ABCC4: variants seen among roughly 807,000 people sequenced by gnomAD.
ABCC4 encodes ATP-binding cassette sub-family C member 4.
Under a neutral mutation model 168.5 loss-of-function variants are expected in ABCC4, and 102 were observed. The ratio of observed to expected loss-of-function variants is 0.61; its 90% confidence interval spans 0.52 to 0.71. The LOEUF (loss-of-function observed/expected upper bound fraction) is 0.71. Among genes scored for constraint, ABCC4 ranks in the 30% least tolerant of loss-of-function variants. The pLI is 0.00. For missense variants in ABCC4, 1,402 were observed against 1,605.8 expected (o/e 0.87, Z 2.17); for synonymous variants, 617 against 590.7 (o/e 1.04, Z -0.65).
chr13:95,059,299 A>G (rs2033196509), intron 26 of ABCC4, among the ~76,000 whole-genome samples: 1 of 152,254 alleles, frequency 6.6e-6, no homozygotes, highest in East Asian at 1.9e-4. Flanking sequence ...AGGATGACAC[A>G]GAATTGCTGT....
At chr13:95,097,599 T>C (rs1360856499) in intron 20 of ABCC4, among the ~76,000 whole-genome samples, 2 of 118,332 alleles carry the variant, frequency 1.7e-5, no homozygotes, top group East Asian at 2.0e-4. Flanking sequence ...ATTCTTTTTT[T>C]TTTTTTTTTT....
At chr13:95,157,088 C>CCCCACACACA in intron 19 of ABCC4, among the ~76,000 whole-genome samples, 2 of 134,708 alleles carry the variant, frequency 1.5e-5, no homozygotes, top group South Asian at 4.9e-4. Context: ...TGAGACTCTA[C>CCCCACACACA]CACACACACA....
At chr13:95,152,398 C>G (rs2036716889) in intron 19 of ABCC4, among the ~76,000 whole-genome samples, 1 of 152,086 alleles carries the variant, frequency 6.6e-6, no homozygotes. Context: ...TTGTTCTGTC[C>G]AGCCAACAAA....
chr13:95,113,676 A>G (rs1403978300), intron 20 of ABCC4, among the ~76,000 whole-genome samples: 1 of 152,056 alleles, frequency 6.6e-6, no homozygotes, highest in Non-Finnish European at 1.5e-5. Flanking sequence ...TCACTTCCTA[A>G]TATAGCAACA....
At chr13:95,195,085 C>T in intron 8 of ABCC4, 148 bp from the exon 9 acceptor site, 1 of 620,148 alleles carries the variant, frequency 1.6e-6, no homozygotes, top group South Asian at 2.0e-5. Flanking sequence ...CGGTTCACAT[C>T]AGCATATGAT....
chr13:95,111,864 G>A (rs1207215292), intron 20 of ABCC4, among the ~76,000 whole-genome samples: 3 of 152,094 alleles, frequency 2.0e-5, no homozygotes, highest in Non-Finnish European at 4.4e-5. Context: ...CTTCTACAGA[G>A]CCTACATTCT....
At position 95,299,654 on chromosome 13, in the gene ABCC4, G is replaced by A. The variant is rs181226173; in HGVS notation, c.74+1587C>T. ...TATGGCCCAAGACAATTCTTCCAGT[G>A]TGGCCCAGGGAACCCAAAAAATTGG... On this transcript the variant is annotated intron_variant, in intron 1 of 30. Transcript: ENST00000645237. 3.9e-3 allele frequency among the ~76,000 whole-genome samples: 592 copies of A among 152,126 alleles called. 1 individual carries two copies. Among genetic ancestry groups the A allele is most frequent in the African/African-American group, 0.014 (573 of 41,492 alleles).
intron 23 of ABCC4, among the ~76,000 whole-genome samples, chr13:95,073,850 C>T (rs2033811416): frequency 6.6e-6 from 1 of 152,260 alleles, no homozygotes; most frequent in Non-Finnish European, 1.5e-5. Context: ...CAACCTCATG[C>T]ACCAGGCAAC....
chr13:95,210,612 AGC>A, intron 5 of ABCC4, 78 bp downstream of exon 5: 1 of 1,198,072 alleles, frequency 8.3e-7, no homozygotes, highest in Admixed American at 1.9e-5. Flanking sequence ...GAACAGAGTG[AGC>A]CCCTGCCTCC....
At chr13:95,258,491 C>G (rs189292790) in intron 1 of ABCC4, among the ~76,000 whole-genome samples, 1 of 152,276 alleles carries the variant, frequency 6.6e-6, no homozygotes, top group East Asian at 1.9e-4. Context: ...CCCTCATTGT[C>G]GATCATTTAT....
At chr13:95,125,736 C>G (rs771759802) in intron 19 of ABCC4, among the ~76,000 whole-genome samples, 1 of 152,162 alleles carries the variant, frequency 6.6e-6, no homozygotes, top group Non-Finnish European at 1.5e-5. Context: ...TAAATTGCCT[C>G]GGGAAACCAT....
At chr13:95,054,731 AGGGAACCACT>A (rs1161408891) in intron 26 of ABCC4, among the ~76,000 whole-genome samples, 16 of 152,306 alleles carry the variant, frequency 1.1e-4, no homozygotes, top group Non-Finnish European at 1.5e-5. Context: ...GAAATGCTCA[AGGGAACCACT>A]GGCCTCAAAT....
chr13:95,262,727 G>T (rs1352878955), intron 1 of ABCC4, among the ~76,000 whole-genome samples: 1 of 151,756 alleles, frequency 6.6e-6, no homozygotes, highest in African/African-American at 2.4e-5. Flanking sequence ...CCGCTTCCTG[G>T]GTTCAAGCGA....
At chr13:95,290,937 G>A (rs531768167) in intron 1 of ABCC4, among the ~76,000 whole-genome samples, 1 of 141,928 alleles carries the variant, frequency 7.0e-6, no homozygotes, top group South Asian at 2.2e-4. Flanking sequence ...GGCAGAGGTT[G>A]TACTGAGCTG....
At chr13:95,294,207 A>AT (rs2041469862) in intron 1 of ABCC4, among the ~76,000 whole-genome samples, 2 of 152,066 alleles carry the variant, frequency 1.3e-5, no homozygotes, top group South Asian at 4.2e-4. Context: ...AAATAAATAA[A>AT]AAATTATCCG....
At chr13:95,222,007 T>G (rs1322027921) in intron 4 of ABCC4, among the ~76,000 whole-genome samples, 1 of 152,244 alleles carries the variant, frequency 6.6e-6, no homozygotes, top group Non-Finnish European at 1.5e-5. Flanking sequence ...CTAGAAATTC[T>G]GAAACAGCAG....
chr13:95,106,133 G>C (rs1418778783), intron 20 of ABCC4, among the ~76,000 whole-genome samples: 1 of 152,012 alleles, frequency 6.6e-6, no homozygotes, highest in Admixed American at 6.6e-5. Flanking sequence ...GCTCTCTATA[G>C]GTTCAACTAT....
chr13:95,260,700 A>C (rs940765383), intron 1 of ABCC4, among the ~76,000 whole-genome samples: 2 of 152,132 alleles, frequency 1.3e-5, no homozygotes, highest in African/African-American at 4.8e-5. Context: ...TGGGGTGATA[A>C]TGGGGTAATC....
intron 26 of ABCC4, among the ~76,000 whole-genome samples, chr13:95,059,991 G>T (rs2033223106): frequency 6.6e-6 from 1 of 152,200 alleles, no homozygotes; most frequent in African/African-American, 2.4e-5. Flanking sequence ...GGCAGTGCTG[G>T]AATAAAAATG....
Sources: allele counts gnomAD v4.1 joint callset (sites outside exome capture counted in the v4.1 genomes callset), GRCh38; gene constraint gnomAD v4.1.1; transcripts MANE v1.5; gene names NCBI Gene and HGNC (gene_info 2026-07-23, HGNC 2026-07-21).